Variants in TANC2 observed in about 807,000 individuals in gnomAD.
TANC2 encodes the protein tetratricopeptide repeat, ankyrin repeat and coiled-coil containing 2.
Under a neutral mutation model 210.5 loss-of-function variants are expected in TANC2, and 26 were observed. The observed-to-expected ratio is 0.12, with a 90% confidence interval of 0.09 to 0.17. TANC2 has a LOEUF of 0.17. Among genes scored for constraint, TANC2 ranks in the 10% least tolerant of loss-of-function variants. The pLI, the probability that TANC2 is intolerant of heterozygous loss-of-function variation, is 1.00. For missense variants in TANC2, 2,129 were observed against 2,608.9 expected (o/e 0.82, Z 4.01); for synonymous variants, 931 against 967.1 (o/e 0.96, Z 0.69).
At chr17:62,990,457 A>T (rs1187629740) in intron 1 of TANC2, among the ~76,000 whole-genome samples, 71 of 147,480 alleles carry the variant, frequency 4.8e-4, no homozygotes, top group Admixed American at 2.3e-3. Context: ...TTTTTTTTTA[A>T]AATTTTCTGT....
chr17:63,306,919 C>T (rs1457344793), intron 9 of TANC2, among the ~76,000 whole-genome samples: 1 of 152,122 alleles, frequency 6.6e-6, no homozygotes, highest in East Asian at 1.9e-4. Flanking sequence ...GCCTCTCCAG[C>T]CTGTGCAACA....
chr17:63,110,898 C>T (rs187135415), intron 4 of TANC2, among the ~76,000 whole-genome samples: 14 of 152,276 alleles, frequency 9.2e-5, no homozygotes, highest in African/African-American at 2.9e-4. Context: ...TGGTTGAAAC[C>T]GTGACTTTGC....
At chr17:63,060,057 T>G (rs934537055) in intron 2 of TANC2, among the ~76,000 whole-genome samples, 2 of 152,216 alleles carry the variant, frequency 1.3e-5, no homozygotes, top group African/African-American at 2.4e-5. Flanking sequence ...TTTACTGTAC[T>G]TCTGTACTAC....
intron 7 of TANC2, among the ~76,000 whole-genome samples, chr17:63,225,869 C>T (rs998645878): frequency 2.6e-5 from 4 of 152,174 alleles, no homozygotes; most frequent in African/African-American, 9.6e-5. Flanking sequence ...ATTACGTTTT[C>T]ATTTTTTGAT....
intron 1 of TANC2, among the ~76,000 whole-genome samples, chr17:62,985,053 G>A (rs1598190219): frequency 6.6e-6 from 1 of 152,344 alleles, no homozygotes; most frequent in South Asian, 2.1e-4. Flanking sequence ...CTGACAGTGG[G>A]TGTTGAAATC....
rs983066702 is a variant in TANC2, at chr17:63,290,697, G to A, written c.1159+22824G>A. ...TGTAAAGGTTTGTTTATTGCTTTAGGTGGGAGGGTTAATCTAGTGCCGCTT... is the reference window on the plus strand; with the variant it reads ...TGTAAAGGTTTGTTTATTGCTTTAGATGGGAGGGTTAATCTAGTGCCGCTT... On this transcript the variant is annotated intron_variant, in intron 9 of 27. Coordinates refer to ENST00000689528, the Ensembl canonical transcript of TANC2. Among the ~76,000 whole-genome samples the A allele has an allele frequency of 3.3e-5, 5 of 151,968 alleles. 1 individual carries two copies. The highest frequency in any genetic ancestry group is 7.4e-5 in the Non-Finnish European group (5 of 67,994).
chr17:62,973,395 A>C (rs1416869166), intron 1 of TANC2, among the ~76,000 whole-genome samples: 2 of 152,220 alleles, frequency 1.3e-5, no homozygotes, highest in Admixed American at 1.3e-4. Context: ...TTAAGCAGGC[A>C]CTGTGACTTT....
chr17:63,143,137 T>C (rs1408182014), intron 4 of TANC2, among the ~76,000 whole-genome samples: 2 of 152,230 alleles, frequency 1.3e-5, no homozygotes, highest in Non-Finnish European at 2.9e-5. Flanking sequence ...CAAATAGTTA[T>C]TGCAGGTTTC....
At chr17:62,998,380 C>T (rs746711228) in intron 1 of TANC2, among the ~76,000 whole-genome samples, 1 of 152,120 alleles carries the variant, frequency 6.6e-6, no homozygotes, top group Non-Finnish European at 1.5e-5. Context: ...CCCGACCTCA[C>T]TAGAGAGGGC....
chr17:63,323,047 C>T (rs1473511059), intron 11 of TANC2, among the ~76,000 whole-genome samples: 1 of 152,184 alleles, frequency 6.6e-6, no homozygotes, highest in East Asian at 1.9e-4. Context: ...TATTGTGCTA[C>T]GTGTTACAGT....
chr17:63,079,282 TG>T (rs1454610363), intron 3 of TANC2, among the ~76,000 whole-genome samples: 4 of 152,148 alleles, frequency 2.6e-5, no homozygotes, highest in Non-Finnish European at 5.9e-5. Flanking sequence ...GTTCCTGGTG[TG>T]TAGCTCCAGG....
chr17:63,206,835 G>A (rs924697746), intron 7 of TANC2, among the ~76,000 whole-genome samples: 21 of 152,118 alleles, frequency 1.4e-4, no homozygotes, highest in African/African-American at 5.1e-4. Flanking sequence ...TATACTTAGT[G>A]CCCCTGAATT....
At chr17:63,262,501 C>G (rs2043394925) in intron 8 of TANC2, among the ~76,000 whole-genome samples, 1 of 152,130 alleles carries the variant, frequency 6.6e-6, no homozygotes, top group South Asian at 2.1e-4. Flanking sequence ...ATATTTGTAA[C>G]TTTTTTCATC....
intron 14 of TANC2, among the ~76,000 whole-genome samples, chr17:63,367,268 C>T (rs2047138187): frequency 6.6e-6 from 1 of 152,176 alleles, no homozygotes; most frequent in Non-Finnish European, 1.5e-5. Context: ...TAAGACACCC[C>T]TGACACTAAA....
At chr17:63,208,962 C>T (rs764125797) in intron 7 of TANC2, among the ~76,000 whole-genome samples, 2 of 151,744 alleles carry the variant, frequency 1.3e-5, no homozygotes, top group African/African-American at 4.8e-5. Context: ...CCTTACCTAT[C>T]CTTATATCAT....
exon 10 of TANC2, chr17:63,314,493 T>A (rs367733202): frequency 3.0e-5 from 49 of 1,613,840 alleles, no homozygotes; most frequent in Non-Finnish European, 4.0e-5. Context: ...GATTGGGTTT[T>A]CCACGAAATA....
At chr17:63,053,346 C>T (rs191212864) in intron 2 of TANC2, among the ~76,000 whole-genome samples, 18 of 152,386 alleles carry the variant, frequency 1.2e-4, no homozygotes, top group African/African-American at 3.8e-4. Flanking sequence ...ACCATTTACA[C>T]TGGCTGAATG....
At chr17:63,311,055 G>A (rs1351714513) in intron 9 of TANC2, among the ~76,000 whole-genome samples, 1 of 152,160 alleles carries the variant, frequency 6.6e-6, no homozygotes, top group African/African-American at 2.4e-5. Flanking sequence ...AAGACCTTAG[G>A]CAAATAACTT....
At chr17:63,185,299 G>T (rs372336603) in intron 5 of TANC2, among the ~76,000 whole-genome samples, 111 of 152,000 alleles carry the variant, frequency 7.3e-4, no homozygotes, top group African/African-American at 2.6e-3. Flanking sequence ...CACCATGTTG[G>T]CCAGGCTAGT....
Sources: gnomAD v4.1 joint callset for allele counts (sites outside exome capture counted in the v4.1 genomes callset) on GRCh38, gnomAD v4.1.1 for gene constraint, MANE v1.5 for transcripts, NCBI Gene and HGNC (gene_info 2026-07-23, HGNC 2026-07-21) for gene names.